Variants in TRIM67 observed in about 807,000 individuals in gnomAD.
The protein encoded by TRIM67 is tripartite motif-containing protein 67.
Under a neutral mutation model 71.0 loss-of-function variants are expected in TRIM67, and 39 were observed. The observed-to-expected ratio is 0.55, with a 90% CI of 0.43 to 0.72. The LOEUF (loss-of-function observed/expected upper bound fraction) is 0.72. Ranked by LOEUF, TRIM67 falls within the 30% of genes least tolerant of loss-of-function variation. The pLI is 0.00. For synonymous variants in TRIM67, 481 were observed against 473.9 expected, an observed-to-expected ratio of 1.01 and a Z score of -0.19; for missense variants, 973 against 1,079.2, an observed-to-expected ratio of 0.90 and a Z score of 1.38.
chr1:231,213,763 C>T, intron 8 of TRIM67, 52 bp from the exon 9 acceptor site: 5 of 1,522,486 alleles, frequency 3.3e-6, no homozygotes, highest in Non-Finnish European at 4.4e-6. Context: ...GAGTTATCAC[C>T]TACATCCCAG....
intron 1 of TRIM67, among the ~76,000 whole-genome samples, chr1:231,176,912 A>AAAAAAAAAAAAAAAAAAAAAAC (rs1558292693): frequency 6.7e-6 from 1 of 150,050 alleles, no homozygotes; most frequent in African/African-American, 2.5e-5. Flanking sequence ...CTGGCAAAAA[A>AAAAAAAAAAAAAAAAAAAAAAC]AAAAAAAAAA....
chr1:231,206,753 G>A lies in TRIM67; in HGVS notation c.1782G>A (p.Gly594=), dbSNP rs1240936522. The change falls in exon 7 of 10, where the codon GGG becomes GGA. Residue 594 remains glycine (G), a synonymous_variant. Coordinates refer to ENST00000366653, the MANE Select transcript of TRIM67 (RefSeq NM_001004342.5). ...AAGCTTTCAACTCTTCTGGTGTCGG[G>A]CCTTACAGTAAAACTGTCGTCCTGC... is the stretch of plus-strand genomic sequence containing the variant. The part of the protein sequence containing the change: ...RVKAFNSSGV[G]PYSKTVVLQT... 2 of 1,610,592 alleles carry A rather than the reference G, an allele frequency of 1.2e-6. No individual in the cohort carries two copies. The highest frequency in any genetic ancestry group is 2.2e-5 in the East Asian group (1 of 44,606).
intron 9 of TRIM67, 138 bp downstream of exon 9, chr1:231,214,115 T>G (rs1454300770): frequency 2.6e-5 from 29 of 1,115,384 alleles, no homozygotes; most frequent in Non-Finnish European, 3.5e-5. Flanking sequence ...TCAACTGGCC[T>G]GCCTTGGACA....
chr1:231,204,023 G>C lies in TRIM67; in HGVS notation c.1680+11G>C, dbSNP rs544317797. The C allele has an allele frequency of 8.0e-5, 129 of 1,613,584 alleles. 1 individual carries two copies. The South Asian group carries it at 1.4e-3, about 18-fold the overall frequency. On this transcript the variant is annotated intron_variant, in intron 6 of 9. Coordinates refer to ENST00000366653, the MANE Select transcript of TRIM67 (RefSeq NM_001004342.5). ...GGGGGACAGTTCCGGGTGAGGCCTT[G>C]CTGCTTATTTGGCGGGGATTGAGGG... is the stretch of plus-strand genomic sequence containing the variant.
At chr1:231,193,951 C>T (rs1335348225) in intron 1 of TRIM67, among the ~76,000 whole-genome samples, 1 of 152,158 alleles carries the variant, frequency 6.6e-6, no homozygotes, top group Non-Finnish European at 1.5e-5. Context: ...AACTGGGGAT[C>T]AAATTTCAAC....
chr1:231,176,768 TC>T (rs1682758713), intron 1 of TRIM67, among the ~76,000 whole-genome samples: 1 of 152,024 alleles, frequency 6.6e-6, no homozygotes, highest in Admixed American at 6.6e-5. Flanking sequence ...TAAGGGGACA[TC>T]TAACTTGACA....
At chr1:231,203,491 C>T (rs1683607141) in intron 5 of TRIM67, among the ~76,000 whole-genome samples, 1 of 152,222 alleles carries the variant, frequency 6.6e-6, no homozygotes, top group Non-Finnish European at 1.5e-5. Flanking sequence ...GGAGCCTGGA[C>T]TCTGTTGGAA....
rs560029199 is a variant in TRIM67, at chr1:231,180,598, G to C, written c.1044+16585G>C. Among the ~76,000 whole-genome samples the C allele has an allele frequency of 2.1e-4, 32 of 152,258 alleles. No individual in the cohort carries two copies. The East Asian group carries it at 4.5e-3, about 21-fold the overall frequency. On this transcript the variant is annotated intron_variant, in intron 1 of 9. Transcript: ENST00000366653. ...ATGGCAGCCTGGAGCATGGAGGAAG[G>C]GGGTGATGGTGGAGGAGGAGTTGGA...
intron 3 of TRIM67, among the ~76,000 whole-genome samples, chr1:231,199,862 T>G (rs982742394): frequency 8.5e-5 from 13 of 152,242 alleles, no homozygotes; most frequent in African/African-American, 2.9e-4. Context: ...GCTGATTGTA[T>G]GGAGAGTTCC....
At position 231,204,793 on chromosome 1, in the gene TRIM67, C is replaced by T. The variant is rs566362394; in HGVS notation, c.1680+781C>T. 1.5e-4 allele frequency among the ~76,000 whole-genome samples: 23 copies of T among 152,316 alleles called. No individual in the cohort carries two copies. The East Asian group carries it at 3.5e-3, about 23-fold the overall frequency. On this transcript the variant is annotated intron_variant, in intron 6 of 9. Transcript: ENST00000366653. ...CATCTCTTCTCCTGGGAAGTTGCAC[C>T]CATTTAACAAACCTTGCCGAAGGTC...
Position 231,163,834 on chromosome 1 carries a change from G to A in TRIM67, c.865G>A (p.Ala289Thr), listed in dbSNP as rs1232035654. The change falls in exon 1 of 10, where the codon GCG (alanine) becomes ACG (threonine). Residue 289 changes from alanine (A) to threonine (T), a missense_variant. Physicochemically the swap from Ala to Thr is moderately conservative, Grantham distance 58. Transcript: ENST00000366653. Reference protein sequence around the residue: ...GGCKSPGGAGAGATGGSTARK... With the variant: ...GGCKSPGGAGTGATGGSTARK... The stretch of plus-strand genomic sequence containing the variant: ...CTGCAAGAGCCCGGGAGGCGCGGGG[G>A]CGGGGGCGACTGGGGGCAGCACGGC... 2 of 1,530,454 alleles carry A rather than the reference G, an allele frequency of 1.3e-6. No homozygotes were observed. The highest frequency in any genetic ancestry group is 1.2e-5 in the South Asian group (1 of 81,482). The allele number at this position is 1,530,454 out of a possible 1,614,324, so 94.8% of individuals were successfully genotyped here.
Position 231,213,934 on chromosome 1 carries a change from A to G in TRIM67, c.2243A>G (p.Asp748Gly). Residue 748 changes from aspartate (D) to glycine (G), a missense_variant, in exon 9 of 10, where the codon GAC becomes GGC. Physicochemically the swap from Asp to Gly is moderately conservative, Grantham distance 94. Around this residue, in one of 2 missense-constraint regions of TRIM67, gnomAD observed 178 missense variants for 247.9 expected, o/e 0.72. Coordinates refer to ENST00000366653, the MANE Select transcript of TRIM67 (RefSeq NM_001004342.5). ...QQGPTAFSHV[D>G]GVFMPALSLN... is the part of the protein sequence containing the mutation. The stretch of plus-strand genomic sequence containing the variant: ...GGCCCCACAGCCTTCAGCCACGTGG[A>G]CGGGGTCTTCATGCCAGCCCTCAGC... The G allele has an allele frequency of 6.2e-7, 1 of 1,613,578 alleles. No individual in the cohort carries two copies. The highest frequency in any genetic ancestry group is 1.1e-5 in the South Asian group (1 of 91,054).
intron 1 of TRIM67, among the ~76,000 whole-genome samples, chr1:231,166,393 T>C (rs1477919419): frequency 6.6e-6 from 1 of 152,242 alleles, no homozygotes; most frequent in African/African-American, 2.4e-5. Context: ...AGAGCCTTGG[T>C]CAAACACTGT....
intron 1 of TRIM67, among the ~76,000 whole-genome samples, chr1:231,177,686 AC>A (rs1283692576): frequency 1.3e-5 from 2 of 152,220 alleles, no homozygotes; most frequent in African/African-American, 4.8e-5. Flanking sequence ...TCTTGATTAG[AC>A]TTTTACACCC....
Position 231,193,503 on chromosome 1 carries a change from G to GCTCTCTCTCTCTCTCTCTCTCTCTCTCT in TRIM67, c.1045-3848_1045-3821dup, listed in dbSNP as rs3049035. Among the ~76,000 whole-genome samples, 7 of 81,996 alleles carry GCTCTCTCTCTCTCTCTCTCTCTCTCTCT rather than the reference G, an allele frequency of 8.5e-5. 1 individual carries two copies. Among genetic ancestry groups the GCTCTCTCTCTCTCTCTCTCTCTCTCTCT allele is most frequent in the African/African-American group, 1.4e-4 (3 of 21,964 alleles). The allele number at this position is 81,996 out of a possible 152,430, so 53.8% of individuals were successfully genotyped here. A position where few individuals can be genotyped will look rare whatever the true frequency, so the allele number is the denominator to read the frequency against. ...AAGAGACACCTGAACTCTCTCTCAA[G>GCTCTCTCTCTCTCTCTCTCTCTCTCTCT]CTCTCTCTCTCTCTCTCTCTCTCTC... On this transcript the variant is annotated intron_variant, in intron 1 of 9. Coordinates refer to ENST00000366653, the MANE Select transcript of TRIM67 (RefSeq NM_001004342.5).
Position 231,199,058 on chromosome 1 carries a change from G to A in TRIM67, c.1152G>A (p.Leu384=). 2 of 1,613,960 alleles carry A rather than the reference G, an allele frequency of 1.2e-6. No individual in the cohort carries two copies. The highest frequency in any genetic ancestry group is 2.2e-5 in the East Asian group (1 of 44,884). Residue 384 remains leucine, a synonymous_variant, in exon 3 of 10, where the codon CTG becomes CTA. Coordinates refer to ENST00000366653, the MANE Select transcript of TRIM67 (RefSeq NM_001004342.5). The stretch of plus-strand genomic sequence containing the variant: ...CCAACCTCTGCCAGGAAAACGGACT[G>A]GACTACGAAGCCTGCCTCGTTGCTC... The part of the protein sequence containing the change: ...NILQQIQENG[L]DYEACLVAQC...
At position 231,163,849 on chromosome 1, in the gene TRIM67, G is replaced by T. The variant is rs986028245; in HGVS notation, c.880G>T (p.Gly294Cys). The part of the protein sequence containing the change: ...PGGAGAGATG[G>C]STARKFPTCP... ...AGGCGCGGGGGCGGGGGCGACTGGG[G>T]GCAGCACGGCCCGCAAGTTCCCCAC... is the stretch of plus-strand genomic sequence containing the variant. The change falls in exon 1 of 10, where the codon GGC becomes TGC. Residue 294 changes from glycine to cysteine, a missense_variant. Physicochemically the swap from Gly to Cys is radical, Grantham distance 159. Transcript: ENST00000366653. 8 of 1,557,306 alleles carry T rather than the reference G, an allele frequency of 5.1e-6. No homozygotes were observed. In the African/African-American group the frequency reaches 9.5e-5, roughly 19 times the overall value.
chr1:231,212,889 A>G (rs921583179), intron 8 of TRIM67, among the ~76,000 whole-genome samples: 1 of 152,144 alleles, frequency 6.6e-6, no homozygotes, highest in Admixed American at 6.5e-5. Flanking sequence ...CGTTGCCAAC[A>G]CTGATCAAGA....
chr1:231,186,960 G>T (rs748427032), intron 1 of TRIM67, among the ~76,000 whole-genome samples: 32 of 152,106 alleles, frequency 2.1e-4, no homozygotes, highest in Non-Finnish European at 3.7e-4. Context: ...TGCTTTACCC[G>T]CACATCCCAC....
Sources: allele counts gnomAD v4.1 joint callset (sites outside exome capture counted in the v4.1 genomes callset), GRCh38; gene constraint gnomAD v4.1.1; regional missense constraint gnomAD v4.1.1; transcripts MANE v1.5; gene names NCBI Gene and HGNC (gene_info 2026-07-23, HGNC 2026-07-21).